PVT1: variants seen among roughly 807,000 people sequenced by gnomAD.
The protein encoded by PVT1 is CXCR4/PVT1 fusion.
intron 2 of PVT1, among the ~76,000 whole-genome samples, chr8:127,807,753 C>G (rs1371325437): frequency 6.6e-6 from 1 of 152,004 alleles, no homozygotes; most frequent in Non-Finnish European, 1.5e-5. Flanking sequence ...ATTCTAGGTT[C>G]TTTGAATTTT....
chr8:127,806,680 C>A (rs902746653), intron 2 of PVT1, among the ~76,000 whole-genome samples: 1 of 152,210 alleles, frequency 6.6e-6, no homozygotes, highest in Non-Finnish European at 1.5e-5. Context: ...AGATTCCCTC[C>A]TGTCCCTTCA....
chr8:127,885,857 C>G (rs887867221), intron 2 of PVT1, among the ~76,000 whole-genome samples: 1 of 152,132 alleles, frequency 6.6e-6, no homozygotes, highest in Non-Finnish European at 1.5e-5. Context: ...TTCTTCTTTT[C>G]TCTTAGGGGC....
chr8:128,004,368 C>T (rs1407468659), intron 4 of PVT1, among the ~76,000 whole-genome samples: 1 of 152,114 alleles, frequency 6.6e-6, no homozygotes, highest in Non-Finnish European at 1.5e-5. Context: ...GAAGGGAGGG[C>T]TTTATTCAGG....
intron 3 of PVT1, among the ~76,000 whole-genome samples, chr8:127,931,294 T>TA (rs1816203278): frequency 6.6e-6 from 1 of 152,102 alleles, no homozygotes; most frequent in African/African-American, 2.4e-5. Flanking sequence ...TCCAGGGTGC[T>TA]GGGGGGAAGT....
intron 3 of PVT1, among the ~76,000 whole-genome samples, chr8:127,943,113 C>G (rs1586447677): frequency 6.6e-6 from 1 of 152,276 alleles, no homozygotes; most frequent in East Asian, 1.9e-4. Context: ...TCTCGTGACT[C>G]AGTAAGATGA....
Position 127,962,628 on chromosome 8 carries a change from G to A in PVT1, n.783-26534G>A, listed in dbSNP as rs373689657. On this transcript the variant is annotated intron_variant and non_coding_transcript_variant, in intron 3 of 10. Transcript: ENST00000651587. ...CTGCATTTTATTTTTTTTTGTTGAC[G>A]ATTTGTTGACGAGGCTGGAGTGCGG... 8.6e-5 allele frequency among the ~76,000 whole-genome samples: 13 copies of A among 151,862 alleles called. No homozygotes were observed. The South Asian group carries it at 2.5e-3, about 29-fold the overall frequency.
chr8:127,839,276 G>A (rs190822960), intron 2 of PVT1, among the ~76,000 whole-genome samples: 1 of 152,298 alleles, frequency 6.6e-6, no homozygotes, highest in Non-Finnish European at 1.5e-5. Flanking sequence ...GCTGGGTGCA[G>A]TGGCTCGTGC....
intron 4 of PVT1, chr8:128,049,148 A>C (rs771159328): frequency 1.9e-6 from 1 of 528,524 alleles, no homozygotes; most frequent in South Asian, 1.4e-5. Flanking sequence ...CCAGGCCTCC[A>C]TGTGCAGGGC....
At chr8:127,848,593 G>T (rs184567417) in intron 2 of PVT1, among the ~76,000 whole-genome samples, 10 of 152,288 alleles carry the variant, frequency 6.6e-5, no homozygotes, top group African/African-American at 2.2e-4. Flanking sequence ...TGAGGCAGGA[G>T]AATCGCTTGA....
intron 4 of PVT1, among the ~76,000 whole-genome samples, chr8:128,026,953 T>C (rs1365588961): frequency 6.6e-6 from 1 of 152,162 alleles, no homozygotes; most frequent in East Asian, 1.9e-4. Flanking sequence ...GGCGTTCTTG[T>C]CTGCCACCTC....
chr8:127,835,654 C>T (rs1814901659), intron 2 of PVT1, among the ~76,000 whole-genome samples: 1 of 152,160 alleles, frequency 6.6e-6, no homozygotes, highest in Admixed American at 6.6e-5. Context: ...TATCTCCAGG[C>T]TTCCCATTGT....
At chr8:127,867,093 C>G (rs1815293505) in intron 2 of PVT1, among the ~76,000 whole-genome samples, 2 of 152,256 alleles carry the variant, frequency 1.3e-5, no homozygotes, top group African/African-American at 4.8e-5. Context: ...CTTAGCTGGC[C>G]TCAGATGCCC....
At chr8:127,941,935 T>G (rs1218406062) in intron 3 of PVT1, among the ~76,000 whole-genome samples, 1 of 152,002 alleles carries the variant, frequency 6.6e-6, no homozygotes, top group East Asian at 1.9e-4. Context: ...CCATCCCCTT[T>G]GGCTTCCTCG....
chr8:128,021,903 C>T (rs1038669928), intron 4 of PVT1, among the ~76,000 whole-genome samples: 2 of 151,976 alleles, frequency 1.3e-5, no homozygotes, highest in Admixed American at 6.6e-5. Context: ...AGGGAGAGTG[C>T]AGGGGTAGGG....
intron 3 of PVT1, among the ~76,000 whole-genome samples, chr8:127,980,791 C>CTTTTTTTTTTT (rs11361552): frequency 2.5e-5 from 3 of 120,416 alleles, no homozygotes; most frequent in Non-Finnish European, 3.4e-5. Flanking sequence ...ACTACAGCTT[C>CTTTTTTTTTTT]TTTTTTTTTT....
At position 128,013,770 on chromosome 8, in the gene PVT1, A is replaced by C. The variant is rs1456187824; in HGVS notation, n.912+24479A>C. Among the ~76,000 whole-genome samples the C allele has an allele frequency of 2.6e-5, 4 of 152,292 alleles. No individual in the cohort carries two copies. The East Asian group carries it at 7.7e-4, about 29-fold the overall frequency. On this transcript the variant is annotated intron_variant and non_coding_transcript_variant, in intron 4 of 10. Transcript: ENST00000651587. Reference sequence around the variant, plus strand: ...GTCCTGGGACTTACTGTGATTACTTATCTCTCTATCCCTCAACAGTAAGTC... The same window carrying C: ...GTCCTGGGACTTACTGTGATTACTTCTCTCTCTATCCCTCAACAGTAAGTC...
At chr8:127,819,912 C>A (rs1300749684) in intron 2 of PVT1, among the ~76,000 whole-genome samples, 1 of 152,192 alleles carries the variant, frequency 6.6e-6, no homozygotes, top group Non-Finnish European at 1.5e-5. Context: ...ACCACAGATT[C>A]TATCGAGTCT....
chr8:127,887,488 C>T (rs1815538461), intron 2 of PVT1, among the ~76,000 whole-genome samples: 1 of 152,194 alleles, frequency 6.6e-6, no homozygotes, highest in African/African-American at 2.4e-5. Context: ...TTGCCAGAAC[C>T]TTCTTGAACT....
chr8:127,892,126 G>A (rs1474255223), intron 3 of PVT1, among the ~76,000 whole-genome samples: 3 of 152,218 alleles, frequency 2.0e-5, no homozygotes, highest in African/African-American at 4.8e-5. Context: ...ATTTTGATTG[G>A]ATTCCTAGTT....
Sources: allele counts gnomAD v4.1 joint callset (sites outside exome capture counted in the v4.1 genomes callset), GRCh38; gene constraint gnomAD v4.1.1; transcripts MANE v1.5; gene names NCBI Gene and HGNC (gene_info 2026-07-23, HGNC 2026-07-21).